UTRN: variants seen among roughly 807,000 people sequenced by gnomAD.
UTRN encodes the protein dystrophin-related protein 1.
UTRN carries 283 observed loss-of-function variants against 463.9 expected under a neutral mutation model. The observed-to-expected ratio is 0.61, with a 90% CI of 0.55 to 0.67. UTRN has a LOEUF of 0.67. Among genes scored for constraint, UTRN ranks in the 30% least tolerant of loss-of-function variants. UTRN has a pLI of 0.00. For missense variants in UTRN, 3,922 were observed against 4,084.3 expected (o/e 0.96, Z 1.08); for synonymous variants, 1,442 against 1,431.5 (o/e 1.01, Z -0.17).
chr6:144,529,480 C>G (rs1350711540), intron 41 of UTRN, among the ~76,000 whole-genome samples: 1 of 151,960 alleles, frequency 6.6e-6, no homozygotes, highest in South Asian at 2.1e-4. Context: ...TTTTTTTTCT[C>G]TCTGTCACTG....
At chr6:144,849,141 C>CA (rs1782272257) in intron 74 of UTRN, among the ~76,000 whole-genome samples, 1 of 152,046 alleles carries the variant, frequency 6.6e-6, no homozygotes, top group African/African-American at 2.4e-5. Flanking sequence ...TTGCGGATCA[C>CA]AGGCCACATG....
rs564723575 is a variant in UTRN at position 144,361,835 on chromosome 6, G to A, written c.80-41288G>A. ...TGCCCAGGCTGGTCTTGAACTCCTG[G>A]GCTTAAGTGATCCTCCTACTTTGGT... On this transcript the variant is annotated intron_variant, in intron 2 of 74. Transcript: ENST00000367545. 4.0e-5 allele frequency among the ~76,000 whole-genome samples: 6 copies of A among 150,708 alleles called. No homozygotes were observed. The South Asian group carries it at 1.3e-3, about 32-fold the overall frequency.
In UTRN at chr6:144,435,929, T is replaced by G; in HGVS notation, c.856-6T>G. On this transcript the variant is annotated splice_region_variant and splice_polypyrimidine_tract_variant and intron_variant, in intron 9 of 74. Transcript: ENST00000367545. ...GTGTGGGTTTTTCTTGGCTTTGTTTTTACAGAGTACAGCGCCTGAGGAGGA... is the reference window on the plus strand; with the variant it reads ...GTGTGGGTTTTTCTTGGCTTTGTTTGTACAGAGTACAGCGCCTGAGGAGGA... The G allele has an allele frequency of 6.2e-7, 1 of 1,613,320 alleles. No individual in the cohort carries two copies. Among genetic ancestry groups the G allele is most frequent in the Non-Finnish European group, 8.5e-7 (1 of 1,179,936 alleles).
rs943754160 is a variant in UTRN at position 144,421,558 on chromosome 6, G to A, written c.142-320G>A. On this transcript the variant is annotated intron_variant, in intron 3 of 74. Transcript: ENST00000367545. Reference sequence around the variant, plus strand: ...TAAAAAATTAGCTGGGCGTGGTGGCGGGCGCCTGTAGTCCCAGCTACTCGG... The same window carrying A: ...TAAAAAATTAGCTGGGCGTGGTGGCAGGCGCCTGTAGTCCCAGCTACTCGG... Among the ~76,000 whole-genome samples the A allele has an allele frequency of 5.3e-5, 8 of 151,728 alleles. No individual in the cohort carries two copies. The East Asian group carries it at 1.4e-3, about 26-fold the overall frequency.
chr6:144,783,433 T>C (rs1487619952), intron 61 of UTRN, among the ~76,000 whole-genome samples: 2 of 152,202 alleles, frequency 1.3e-5, no homozygotes, highest in Non-Finnish European at 1.5e-5. Context: ...GGATTTTTTT[T>C]CTATTCCTTT....
At chr6:144,339,433 G>A (rs886483452) in intron 2 of UTRN, among the ~76,000 whole-genome samples, 2 of 152,128 alleles carry the variant, frequency 1.3e-5, no homozygotes, top group Non-Finnish European at 2.9e-5. Flanking sequence ...AAGACCTATA[G>A]ATTAGTTCAT....
chr6:144,318,653 G>A (rs1775433382), intron 2 of UTRN, among the ~76,000 whole-genome samples: 1 of 152,046 alleles, frequency 6.6e-6, no homozygotes, highest in Non-Finnish European at 1.5e-5. Flanking sequence ...TAGTAGAGAT[G>A]GGGTTTCATC....
Position 144,851,142 on chromosome 6 carries a change from T to TAA in UTRN, c.*148_*149dup. 1 of 986,366 alleles carries TAA rather than the reference T, an allele frequency of 1.0e-6. No individual in the cohort carries two copies. The highest frequency in any genetic ancestry group is 2.4e-5 in the East Asian group (1 of 41,544). 61.1% of individuals were successfully genotyped at this position (986,366 alleles called of 1,614,324 possible). A position where few individuals can be genotyped will look rare whatever the true frequency, so the allele number is the denominator to read the frequency against. ...CTGACTGTGTGTTCTACTGAAAGAG[T>TAA]AAAACACTGACTATCCAAAGAGAAA... On this transcript the variant is annotated 3_prime_UTR_variant, in exon 75 of 75. Coordinates refer to ENST00000367545, the MANE Select transcript of UTRN (RefSeq NM_007124.3).
At chr6:144,537,043 C>T (rs1253006042) in intron 43 of UTRN, among the ~76,000 whole-genome samples, 3 of 151,990 alleles carry the variant, frequency 2.0e-5, no homozygotes, top group African/African-American at 7.2e-5. Flanking sequence ...TCACATGTTT[C>T]TTGTCTTCCC....
chr6:144,547,661 G>A (rs1285817097), intron 46 of UTRN, among the ~76,000 whole-genome samples: 1 of 152,170 alleles, frequency 6.6e-6, no homozygotes, highest in Admixed American at 6.5e-5. Context: ...CCTACACATT[G>A]TGACTCTTCT....
chr6:144,554,655 G>A (rs763787011), intron 48 of UTRN, 33 bp from the exon 49 acceptor site: 130 of 1,590,260 alleles, frequency 8.2e-5, no homozygotes, highest in Non-Finnish European at 1.1e-4. Flanking sequence ...TTACATGTTG[G>A]GATTTTTTTT....
chr6:144,705,901 A>C (rs563160370), intron 53 of UTRN, among the ~76,000 whole-genome samples: 1 of 151,498 alleles, frequency 6.6e-6, no homozygotes, highest in African/African-American at 2.4e-5. Flanking sequence ...TATATAATTA[A>C]CATTAATTCA....
intron 65 of UTRN, among the ~76,000 whole-genome samples, chr6:144,813,957 A>G (rs563896654): frequency 1.2e-4 from 18 of 152,332 alleles, no homozygotes; most frequent in African/African-American, 3.6e-4. Context: ...AATAGAATCA[A>G]TATGGAGCAT....
intron 2 of UTRN, among the ~76,000 whole-genome samples, chr6:144,305,032 A>G (rs1433516232): frequency 6.6e-6 from 1 of 151,978 alleles, no homozygotes; most frequent in African/African-American, 2.4e-5. Flanking sequence ...CCTGGGTTCA[A>G]ACAATTCTTG....
At chr6:144,493,563 G>T in intron 33 of UTRN, 107 bp downstream of exon 33, 1 of 1,258,824 alleles carries the variant, frequency 7.9e-7, no homozygotes, top group Non-Finnish European at 1.1e-6. Context: ...TCATTTTTTG[G>T]AAAATGCATG....
chr6:144,453,674 C>T (rs551317113), intron 18 of UTRN, 108 bp from the exon 19 acceptor site: 2 of 851,482 alleles, frequency 2.3e-6, no homozygotes, highest in South Asian at 2.5e-5. Context: ...TTTACCTTTT[C>T]AGATTTAAAA....
At chr6:144,842,648 G>A (rs148815401) in intron 73 of UTRN, among the ~76,000 whole-genome samples, 4 of 152,244 alleles carry the variant, frequency 2.6e-5, no homozygotes, top group Non-Finnish European at 5.9e-5. Context: ...GAATTTTCAG[G>A]AATATTTGCC....
intron 64 of UTRN, among the ~76,000 whole-genome samples, chr6:144,800,273 AACTGAGTTGTGGG>A (rs1330549587): frequency 3.4e-4 from 52 of 152,366 alleles, no homozygotes; most frequent in African/African-American, 1.3e-3. Flanking sequence ...ATTAAGATTT[AACTGAGTTGTGGG>A]ACATGGATGT....
intron 69 of UTRN, among the ~76,000 whole-genome samples, chr6:144,831,775 G>A (rs140394468): frequency 1.7e-3 from 257 of 152,294 alleles, no homozygotes; most frequent in African/African-American, 5.8e-3. Flanking sequence ...CTATCAGGAC[G>A]TCTCACTCCA....
Sources: gnomAD v4.1 joint callset for allele counts (sites outside exome capture counted in the v4.1 genomes callset) on GRCh38, gnomAD v4.1.1 for gene constraint, MANE v1.5 for transcripts, NCBI Gene and HGNC (gene_info 2026-07-23, HGNC 2026-07-21) for gene names.